GPLD1: variants seen among roughly 807,000 people sequenced by gnomAD.
The protein encoded by GPLD1 is glycosylphosphatidylinositol specific phospholipase D1, also known as phosphatidylinositol-glycan-specific phospholipase D.
Under a neutral mutation model 112.6 loss-of-function variants are expected in GPLD1, and 84 were observed. The observed-to-expected ratio is 0.75, with a 90% confidence interval of 0.63 to 0.89. The LOEUF (loss-of-function observed/expected upper bound fraction) is 0.89. GPLD1 is among the 40% of genes least tolerant of loss of function. The pLI, the probability that GPLD1 is intolerant of heterozygous loss-of-function variation, is 0.00. For missense variants in GPLD1, 1,044 were observed against 1,051.5 expected, an observed-to-expected ratio of 0.99 and a Z score of 0.10; for synonymous variants, 386 against 403.8, an observed-to-expected ratio of 0.96 and a Z score of 0.53.
chr6:24,450,556 G>A (rs576330729), intron 14 of GPLD1, among the ~76,000 whole-genome samples: 10 of 152,254 alleles, frequency 6.6e-5, no homozygotes, highest in South Asian at 6.2e-4. Flanking sequence ...TATAACATCA[G>A]CAACAATAGC....
At chr6:24,440,456 AG>A (rs1276369109) in intron 20 of GPLD1, among the ~76,000 whole-genome samples, 1 of 152,060 alleles carries the variant, frequency 6.6e-6, no homozygotes, top group Non-Finnish European at 1.5e-5. Flanking sequence ...AAAAAGAAAA[AG>A]AAAAATTATC....
chr6:24,462,026 G>C (rs1173351596), intron 11 of GPLD1, among the ~76,000 whole-genome samples: 1 of 152,122 alleles, frequency 6.6e-6, no homozygotes, highest in Admixed American at 6.6e-5. Context: ...TTAACATTGA[G>C]GGCTTCTCCC....
At chr6:24,464,678 T>C (rs1327117646) in intron 10 of GPLD1, among the ~76,000 whole-genome samples, 1 of 152,248 alleles carries the variant, frequency 6.6e-6, no homozygotes, top group Non-Finnish European at 1.5e-5. Flanking sequence ...TTCCAACTTA[T>C]GAACAGCTAA....
intron 5 of GPLD1, 104 bp from the exon 6 acceptor site, chr6:24,473,771 C>T: frequency 1.5e-6 from 1 of 660,102 alleles, no homozygotes; most frequent in Non-Finnish European, 2.7e-6. Flanking sequence ...ACTCAATGAA[C>T]TGCTGAGGAC....
chr6:24,453,171 AAAG>A (rs1329378089), intron 14 of GPLD1, among the ~76,000 whole-genome samples: 1 of 152,246 alleles, frequency 6.6e-6, no homozygotes, highest in African/African-American at 2.4e-5. Context: ...ACTTAGGACA[AAAG>A]AAGGAAATCT....
intron 11 of GPLD1, among the ~76,000 whole-genome samples, chr6:24,460,832 T>C (rs138373160): frequency 0.028 from 4,262 of 151,240 alleles, 149 homozygotes; most frequent in African/African-American, 0.09. Context: ...CTTCGCCTCC[T>C]GGGTTCAAGC....
rs1188263624 is a variant in GPLD1, at chr6:24,436,749, A to G, written c.2198-13T>C. 2 of 1,611,878 alleles carry G rather than the reference A, an allele frequency of 1.2e-6. No homozygotes were observed. Among genetic ancestry groups the G allele is most frequent in the Non-Finnish European group, 1.7e-6 (2 of 1,179,260 alleles). On this transcript the variant is annotated splice_polypyrimidine_tract_variant and intron_variant, in intron 21 of 24. Transcript: ENST00000230036. ...ATGATGATTTCATCTGAAAACAATAAAAACCGACAGAAGGAAGTATTTGAC... is the reference window on the plus strand; with the variant it reads ...ATGATGATTTCATCTGAAAACAATAGAAACCGACAGAAGGAAGTATTTGAC...
chr6:24,430,065 G>A (rs1193876101), intron 24 of GPLD1, among the ~76,000 whole-genome samples: 1 of 152,186 alleles, frequency 6.6e-6, no homozygotes, highest in Admixed American at 6.5e-5. Context: ...AAAATTTGTG[G>A]AGGTTGTATC....
chr6:24,452,958 A>G (rs909029722), intron 14 of GPLD1, among the ~76,000 whole-genome samples: 17 of 152,036 alleles, frequency 1.1e-4, no homozygotes, highest in African/African-American at 3.9e-4. Context: ...AGTATCACCA[A>G]AAGCCCCACA....
chr6:24,491,564 C>A (rs568114973), upstream of GPLD1, among the ~76,000 whole-genome samples: 10 of 152,082 alleles, frequency 6.6e-5, no homozygotes, highest in Non-Finnish European at 1.0e-4. Context: ...AAAAATTAGC[C>A]GGGCATGGTG....
intron 12 of GPLD1, among the ~76,000 whole-genome samples, chr6:24,457,859 C>T (rs1410175474): frequency 1.3e-5 from 2 of 149,366 alleles, no homozygotes; most frequent in Non-Finnish European, 3.0e-5. Context: ...GGTGACAGAG[C>T]AAGACTCCAT....
chr6:24,494,172 G>A (rs1328938820), upstream of GPLD1, among the ~76,000 whole-genome samples: 2 of 152,206 alleles, frequency 1.3e-5, no homozygotes, highest in African/African-American at 2.4e-5. Flanking sequence ...CTTGACTAGG[G>A]TAGCTAGTAT....
chr6:24,475,539 CAAA>C (rs5874985), intron 4 of GPLD1, among the ~76,000 whole-genome samples: 1 of 120,792 alleles, frequency 8.3e-6, no homozygotes. Flanking sequence ...GACTCTGTCT[CAAA>C]AAAAAAAAAA....
chr6:24,450,740 G>T (rs1763053765), intron 14 of GPLD1, among the ~76,000 whole-genome samples: 1 of 152,130 alleles, frequency 6.6e-6, no homozygotes, highest in African/African-American at 2.4e-5. Flanking sequence ...ACTTTGGGAG[G>T]CCGAGGCGAG....
intron 18 of GPLD1, 122 bp from the exon 19 acceptor site, chr6:24,445,953 T>G: frequency 1.4e-6 from 1 of 712,078 alleles, no homozygotes; most frequent in Non-Finnish European, 2.5e-6. Context: ...GCTCTGTCTC[T>G]GCGACCCCAG....
intron 14 of GPLD1, 121 bp from the exon 15 acceptor site, chr6:24,450,020 G>A (rs1156792716): frequency 3.4e-5 from 21 of 626,304 alleles, no homozygotes; most frequent in Non-Finnish European, 5.6e-5. Flanking sequence ...AAAAGCCGAA[G>A]GTGCAGTAAG....
intron 5 of GPLD1, 59 bp downstream of exon 5, chr6:24,475,062 A>G (rs1763962072): frequency 2.3e-6 from 2 of 865,182 alleles, no homozygotes; most frequent in South Asian, 2.7e-5. Context: ...TCAGGTTTTG[A>G]TCTTAGGTGA....
intron 1 of GPLD1, among the ~76,000 whole-genome samples, chr6:24,488,225 G>A (rs913675188): frequency 7.9e-5 from 12 of 152,018 alleles, no homozygotes; most frequent in African/African-American, 2.4e-4. Flanking sequence ...GGCTAACATG[G>A]TGAAACCCCA....
chr6:24,437,291 T>C lies in GPLD1; in HGVS notation c.2021-2A>G, dbSNP rs752057832. On this transcript the variant is annotated splice_acceptor_variant, in intron 20 of 24. Coordinates refer to ENST00000230036, the MANE Select transcript of GPLD1 (RefSeq NM_001503.4). LOFTEE classifies it high-confidence loss of function. The stretch of plus-strand genomic sequence containing the variant: ...GGAATGCCACCTTAGACACGTCATC[T>C]GAAACGAACCACAGTTCCTGCTGGC... 20 of 1,612,506 alleles carry C rather than the reference T, an allele frequency of 1.2e-5. No homozygotes were observed. The Admixed American group carries it at 2.5e-4, about 20-fold the overall frequency.
Sources: allele counts gnomAD v4.1 joint callset (sites outside exome capture counted in the v4.1 genomes callset), GRCh38; gene constraint gnomAD v4.1.1; transcripts MANE v1.5; gene names NCBI Gene and HGNC (gene_info 2026-07-23, HGNC 2026-07-21).